Variants in REDIC1 observed in about 807,000 individuals in gnomAD.
REDIC1 encodes HEI10 Interacting Protein 1.
the REDIC1 span, among the ~76,000 whole-genome samples, chr12:39,714,516 G>A: frequency 6.6e-6 from 1 of 151,446 alleles, no homozygotes; most frequent in African/African-American, 2.4e-5. Flanking sequence ...TGCTGTAAAC[G>A]TGTGTGAAAG....
the REDIC1 span, among the ~76,000 whole-genome samples, chr12:39,720,298 A>T: frequency 6.6e-6 from 1 of 151,786 alleles, no homozygotes; most frequent in Non-Finnish European, 1.5e-5. Context: ...TATATATTTC[A>T]TTGGACTGGG....
chr12:39,696,706 A>G, the REDIC1 span, among the ~76,000 whole-genome samples: 2 of 152,090 alleles, frequency 1.3e-5, no homozygotes, highest in African/African-American at 2.4e-5. Flanking sequence ...GAAGTATATC[A>G]GACAAATTTA....
chr12:39,626,461 G>A, the REDIC1 span: 16 of 1,430,112 alleles, frequency 1.1e-5, no homozygotes, highest in Non-Finnish European at 1.6e-5. Flanking sequence ...AAAGAACTTG[G>A]TAGGAAAGGG....
At chr12:39,657,280 G>A in the REDIC1 span, among the ~76,000 whole-genome samples, 1 of 152,062 alleles carries the variant, frequency 6.6e-6, no homozygotes, top group African/African-American at 2.4e-5. Context: ...TGTACTGTAG[G>A]CAATACTGTA....
the REDIC1 span, among the ~76,000 whole-genome samples, chr12:39,796,696 A>G: frequency 3.9e-5 from 6 of 152,146 alleles, no homozygotes; most frequent in African/African-American, 1.4e-4. Flanking sequence ...AGAATATAAT[A>G]TGATTGAAAT....
the REDIC1 span, among the ~76,000 whole-genome samples, chr12:39,870,206 G>A: frequency 6.6e-6 from 1 of 152,092 alleles, no homozygotes. Context: ...TTAAAAAATA[G>A]ACTTCTTGAG....
chr12:39,705,237 C>A, the REDIC1 span, among the ~76,000 whole-genome samples: 5 of 152,038 alleles, frequency 3.3e-5, no homozygotes, highest in East Asian at 9.7e-4. Context: ...TTCCTAGACA[C>A]ACACAATTTA....
chr12:39,827,673 A>G, the REDIC1 span, among the ~76,000 whole-genome samples: 2 of 152,110 alleles, frequency 1.3e-5, no homozygotes, highest in East Asian at 3.9e-4. Flanking sequence ...CATTTTCTAG[A>G]AGTCTGCTAA....
At chr12:39,810,451 A>C in the REDIC1 span, among the ~76,000 whole-genome samples, 123,727 of 152,100 alleles carry the variant, frequency 0.81, 50,513 homozygotes, top group Non-Finnish European at 0.85. Context: ...TAGAGTATAT[A>C]TTCCTTTCCA....
the REDIC1 span, among the ~76,000 whole-genome samples, chr12:39,774,213 T>G: frequency 2.0e-5 from 3 of 152,168 alleles, no homozygotes; most frequent in South Asian, 6.2e-4. Flanking sequence ...CCTTCACTCT[T>G]ATCTGAGGAG....
the REDIC1 span, among the ~76,000 whole-genome samples, chr12:39,808,362 C>T: frequency 6.6e-6 from 1 of 152,114 alleles, no homozygotes; most frequent in East Asian, 1.9e-4. Context: ...GAAGTAACAT[C>T]TACGTAATTT....
the REDIC1 span, among the ~76,000 whole-genome samples, chr12:39,854,906 T>C: frequency 1.3e-5 from 2 of 152,228 alleles, no homozygotes; most frequent in African/African-American, 2.4e-5. Context: ...CAACTCACCA[T>C]TGAAAAATCA....
At chr12:39,785,444 A>T in the REDIC1 span, among the ~76,000 whole-genome samples, 2 of 152,340 alleles carry the variant, frequency 1.3e-5, no homozygotes. Context: ...AGATGTATGG[A>T]AATGCCTGGA....
At chr12:39,712,655 ATATG>A in the REDIC1 span, among the ~76,000 whole-genome samples, 3 of 144,760 alleles carry the variant, frequency 2.1e-5, no homozygotes, top group Non-Finnish European at 3.1e-5. Context: ...ATTTATGTAT[ATATG>A]TATGTATACA....
At chr12:39,728,408 G>A in the REDIC1 span, among the ~76,000 whole-genome samples, 1 of 152,056 alleles carries the variant, frequency 6.6e-6, no homozygotes, top group Admixed American at 6.6e-5. Flanking sequence ...TAATCATGTG[G>A]TTTTTGACAT....
chr12:39,864,829 CTT>C, the REDIC1 span: 1 of 1,613,900 alleles, frequency 6.2e-7, no homozygotes. Context: ...CGTGGGGAAA[CTT>C]GGGCTGATAG....
At chr12:39,879,168 C>T in the REDIC1 span, among the ~76,000 whole-genome samples, 6 of 152,348 alleles carry the variant, frequency 3.9e-5, no homozygotes, top group South Asian at 4.1e-4. Flanking sequence ...TTGGAGGATG[C>T]GTGAGAAAGC....
the REDIC1 span, among the ~76,000 whole-genome samples, chr12:39,655,342 G>T: frequency 6.6e-6 from 1 of 151,944 alleles, no homozygotes; most frequent in African/African-American, 2.4e-5. Context: ...TTCTCTTGTA[G>T]TACTGCTTAG....
the REDIC1 span, among the ~76,000 whole-genome samples, chr12:39,685,934 T>C: frequency 3.3e-5 from 5 of 152,176 alleles, no homozygotes; most frequent in Non-Finnish European, 5.9e-5. Flanking sequence ...CAGTCACAAA[T>C]CTTAAAGCTC....
Sources: allele counts gnomAD v4.1 joint callset (sites outside exome capture counted in the v4.1 genomes callset), GRCh38; gene constraint gnomAD v4.1.1; transcripts MANE v1.5; gene names NCBI Gene and HGNC (gene_info 2026-07-23, HGNC 2026-07-21).